The following DYNC2H1 variants were observed in gnomAD, a reference collection of about 807,000 sequenced individuals.
The protein encoded by DYNC2H1 is cytoplasmic dynein 2 heavy chain 1.
DYNC2H1 carries 410 observed loss-of-function variants against 570.0 expected under a neutral mutation model. The observed-to-expected ratio is 0.72, with a 90% CI of 0.66 to 0.78. The LOEUF (loss-of-function observed/expected upper bound fraction) is 0.78, where lower values mean the gene tolerates loss of function less well. DYNC2H1 is among the 30% of genes least tolerant of loss of function. DYNC2H1 has a pLI of 0.00. For synonymous variants in DYNC2H1, 1,688 were observed against 1,677.6 expected, an observed-to-expected ratio of 1.01 and a Z score of -0.15; for missense variants, 4,865 against 5,046.4, an observed-to-expected ratio of 0.96 and a Z score of 1.09.
chr11:103,476,866 T>G (rs1474295451), intron 88 of DYNC2H1, among the ~76,000 whole-genome samples: 1 of 152,190 alleles, frequency 6.6e-6, no homozygotes, highest in South Asian at 2.1e-4. Flanking sequence ...AAGAAAATTA[T>G]TTTACTGCTA....
rs772147286 is a variant in DYNC2H1 at position 103,158,806 on chromosome 11, G to A, written c.4257G>A (p.Leu1419=). 2 of 1,464,660 alleles carry A rather than the reference G, an allele frequency of 1.4e-6. No individual in the cohort carries two copies. Among genetic ancestry groups the A allele is most frequent in the Admixed American group, 2.5e-5 (1 of 40,196 alleles). The allele number at this position is 1,464,660 out of a possible 1,614,324, so 90.7% of individuals were successfully genotyped here. ...GTCAGAAATCATTAAATGAATTTTT[G>A]GAGGCATGTTTTTTAAGAAAAAAAT... ...QRCQKSLNEF[L]EEKRSAFPRF... is the part of the protein sequence containing the mutation. The change falls in exon 27 of 89, where the codon TTG becomes TTA. Residue 1419 remains leucine (L), a synonymous_variant. Transcript: ENST00000375735.
chr11:103,152,366 G>C, intron 21 of DYNC2H1, 81 bp downstream of exon 21: 1 of 1,323,684 alleles, frequency 7.6e-7, no homozygotes. Context: ...TTCCTTTATA[G>C]CCCAGGTTTA....
At chr11:103,152,447 T>A (rs1407746512) in intron 21 of DYNC2H1, among the ~76,000 whole-genome samples, 162 bp downstream of exon 21, 1 of 152,206 alleles carries the variant, frequency 6.6e-6, no homozygotes, top group African/African-American at 2.4e-5. Flanking sequence ...AAATGATGAT[T>A]GTTTCACATG....
chr11:103,358,522 G>C (rs982167226), intron 83 of DYNC2H1, among the ~76,000 whole-genome samples, 163 bp downstream of exon 83: 7 of 152,132 alleles, frequency 4.6e-5, no homozygotes, highest in Non-Finnish European at 1.0e-4. Flanking sequence ...GCACATCAAA[G>C]TTAGTATTTT....
At chr11:103,441,078 C>T (rs1944252529) in intron 85 of DYNC2H1, among the ~76,000 whole-genome samples, 1 of 152,134 alleles carries the variant, frequency 6.6e-6, no homozygotes, top group South Asian at 2.1e-4. Flanking sequence ...CTTACACATC[C>T]TACAAGTTTC....
chr11:103,120,236 T>G (rs1858630838), intron 6 of DYNC2H1, among the ~76,000 whole-genome samples: 1 of 152,176 alleles, frequency 6.6e-6, no homozygotes, highest in South Asian at 2.1e-4. Context: ...CACTTATTAA[T>G]GTTAGTGTGA....
Position 103,363,468 on chromosome 11 carries a change from A to G in DYNC2H1, c.12156+5109A>G, listed in dbSNP as rs1180736175. 6.6e-6 allele frequency among the ~76,000 whole-genome samples: 1 copy of G among 152,214 alleles called. No homozygotes were observed. The highest frequency in any genetic ancestry group is 1.5e-5 in the Non-Finnish European group (1 of 68,042). ...TGTTAGGGGTTTAGATTAATACTCAATTTAAAATCTTACCACAAGGCAAAC... is the reference window on the plus strand; with the variant it reads ...TGTTAGGGGTTTAGATTAATACTCAGTTTAAAATCTTACCACAAGGCAAAC... On this transcript the variant is annotated intron_variant, in intron 83 of 88. Transcript: ENST00000375735. This position sits in a 1 kb window ranked among gnomAD's most constrained non-coding sequence, Gnocchi z 5.6.
At chr11:103,441,196 G>A (rs780404967) in intron 85 of DYNC2H1, among the ~76,000 whole-genome samples, 9 of 151,810 alleles carry the variant, frequency 5.9e-5, no homozygotes, top group Non-Finnish European at 8.8e-5. Context: ...AACCCAGCTC[G>A]CTCCCTCTCA....
At chr11:103,250,446 C>T (rs1160977536) in intron 65 of DYNC2H1, among the ~76,000 whole-genome samples, 1 of 152,066 alleles carries the variant, frequency 6.6e-6, no homozygotes, top group African/African-American at 2.4e-5. Flanking sequence ...TTGATCACGT[C>T]ACCCAGATAG....
At chr11:103,380,136 G>A (rs375338921) in intron 83 of DYNC2H1, among the ~76,000 whole-genome samples, 1 of 152,216 alleles carries the variant, frequency 6.6e-6, no homozygotes, top group South Asian at 2.1e-4. Context: ...AAAGAGCAGC[G>A]AGTCATCCAG....
At chr11:103,303,346 G>T (rs972311674) in intron 76 of DYNC2H1, 93 bp downstream of exon 76, 5 of 1,324,588 alleles carry the variant, frequency 3.8e-6, no homozygotes, top group Non-Finnish European at 5.2e-6. Flanking sequence ...GTTGTGATAA[G>T]CCAAATAATG....
intron 83 of DYNC2H1, among the ~76,000 whole-genome samples, chr11:103,373,714 G>A (rs1453651770): frequency 1.3e-5 from 2 of 152,134 alleles, no homozygotes; most frequent in Non-Finnish European, 2.9e-5. Context: ...CTTGGTCTAT[G>A]GTGCAATCTT....
At chr11:103,445,730 C>T (rs1944399417) in intron 85 of DYNC2H1, among the ~76,000 whole-genome samples, 1 of 152,158 alleles carries the variant, frequency 6.6e-6, no homozygotes, top group South Asian at 2.1e-4. Context: ...CAGCTCATTG[C>T]AAGCTCTGCC....
At chr11:103,223,251 AAAAG>A (rs1171233971) in intron 59 of DYNC2H1, among the ~76,000 whole-genome samples, 165 bp downstream of exon 59, 2 of 150,778 alleles carry the variant, frequency 1.3e-5, no homozygotes, top group Admixed American at 6.6e-5. Context: ...ACAGATCAAA[AAAAG>A]AAAGCAATTA....
At position 103,241,390 on chromosome 11, in the gene DYNC2H1, T is replaced by A; in HGVS notation, c.9820-2303T>A. Reference sequence around the variant, plus strand: ...ACAGAGATAAAATGTACCATAGAAATCTTATCTAAATCTGTCTGGAGACGT... The same window carrying A: ...ACAGAGATAAAATGTACCATAGAAAACTTATCTAAATCTGTCTGGAGACGT... On this transcript the variant is annotated intron_variant, in intron 63 of 88. Transcript: ENST00000375735. This position sits in a 1 kb window ranked among gnomAD's most constrained non-coding sequence, Gnocchi z 5.1. 1 of 689,982 alleles carries A rather than the reference T, an allele frequency of 1.4e-6. No individual in the cohort carries two copies. The highest frequency in any genetic ancestry group is 2.5e-6 in the Non-Finnish European group (1 of 407,502). The allele number at this position is 689,982 out of a possible 1,614,324, so 42.7% of individuals were successfully genotyped here. A position where few individuals can be genotyped will look rare whatever the true frequency, so the allele number is the denominator to read the frequency against.
At chr11:103,149,891 A>T (rs1051457854) in intron 20 of DYNC2H1, among the ~76,000 whole-genome samples, 1 of 152,078 alleles carries the variant, frequency 6.6e-6, no homozygotes, top group Admixed American at 6.6e-5. Flanking sequence ...TGATCATGGG[A>T]TATCTTCTCA....
intron 6 of DYNC2H1, among the ~76,000 whole-genome samples, chr11:103,119,292 C>T (rs945672607): frequency 2.6e-5 from 4 of 151,950 alleles, no homozygotes; most frequent in African/African-American, 4.8e-5. Context: ...GCAGAGAGTG[C>T]CCCTTCAAGT....
chr11:103,256,339 T>A lies in DYNC2H1; in HGVS notation c.10461+99T>A. The A allele has an allele frequency of 8.2e-7, 1 of 1,217,644 alleles. No homozygotes were observed. Among genetic ancestry groups the A allele is most frequent in the Non-Finnish European group, 1.1e-6 (1 of 885,824 alleles). 75.4% of individuals were successfully genotyped at this position (1,217,644 alleles called of 1,614,324 possible). ...AATCAGGTCCTCAGGGGAAAGATGATGTGAAAAGAAAAAAGCTATTCAAAA... is the reference window on the plus strand; with the variant it reads ...AATCAGGTCCTCAGGGGAAAGATGAAGTGAAAAGAAAAAAGCTATTCAAAA... On this transcript the variant is annotated intron_variant, in intron 68 of 88. Transcript: ENST00000375735. The surrounding 1 kb of genome is among the most constrained non-coding windows in gnomAD (Gnocchi z 4.0).
intron 57 of DYNC2H1, among the ~76,000 whole-genome samples, chr11:103,221,278 T>C (rs1314894775): frequency 6.6e-6 from 1 of 152,142 alleles, no homozygotes; most frequent in East Asian, 1.9e-4. Context: ...CATGTTATAA[T>C]AGTTGTGTTA....
Sources: allele counts gnomAD v4.1 joint callset (sites outside exome capture counted in the v4.1 genomes callset), GRCh38; gene constraint gnomAD v4.1.1; non-coding constraint Gnocchi (gnomAD v3.1); transcripts MANE v1.5; gene names NCBI Gene and HGNC (gene_info 2026-07-23, HGNC 2026-07-21).